The following CAMK2D variants were observed in gnomAD, a reference collection of about 807,000 sequenced individuals.
CAMK2D encodes calcium/calmodulin dependent protein kinase II delta.
Under a neutral mutation model 84.0 loss-of-function variants are expected in CAMK2D, and 37 were observed. The observed-to-expected ratio is 0.44, with a 90% CI of 0.34 to 0.58. The LOEUF is 0.58. Ranked by LOEUF, CAMK2D falls within the 20% of genes least tolerant of loss-of-function variation. CAMK2D has a pLI of 0.02. For synonymous variants in CAMK2D, 202 were observed against 212.5 expected, an observed-to-expected ratio of 0.95 and a Z score of 0.43; for missense variants, 448 against 652.5, an observed-to-expected ratio of 0.69 and a Z score of 3.41.
chr4:113,681,560 A>G (rs1266450946), intron 2 of CAMK2D, among the ~76,000 whole-genome samples: 1 of 152,106 alleles, frequency 6.6e-6, no homozygotes, highest in East Asian at 1.9e-4. Context: ...GGACTAATAT[A>G]CTGTATATTC....
At chr4:113,636,550 CACA>C (rs1262945880) in intron 3 of CAMK2D, among the ~76,000 whole-genome samples, 1 of 152,172 alleles carries the variant, frequency 6.6e-6, no homozygotes, top group Non-Finnish European at 1.5e-5. Context: ...TGGTGGCTTA[CACA>C]ACATATTTAT....
chr4:113,577,780 G>C (rs941552785), intron 4 of CAMK2D, among the ~76,000 whole-genome samples: 1 of 150,300 alleles, frequency 6.7e-6, no homozygotes, highest in African/African-American at 2.5e-5. Context: ...GATCTAATAA[G>C]CTTGTATAAT....
intron 4 of CAMK2D, among the ~76,000 whole-genome samples, chr4:113,594,708 A>C (rs904565088): frequency 6.6e-6 from 1 of 152,204 alleles, no homozygotes; most frequent in Non-Finnish European, 1.5e-5. Flanking sequence ...AAGATATGAC[A>C]ATAGAAAAAA....
At chr4:113,622,706 G>C (rs182485186) in intron 3 of CAMK2D, among the ~76,000 whole-genome samples, 45 of 152,312 alleles carry the variant, frequency 3.0e-4, no homozygotes, top group Admixed American at 1.3e-4. Context: ...CAAGGCTACA[G>C]TGAGCCATGT....
chr4:113,465,540 A>G lies in CAMK2D; in HGVS notation c.1200T>C (p.Phe400=), dbSNP rs760511898. Residue 400 remains phenylalanine (F), a synonymous_variant, in exon 17 of 21, where the codon TTT becomes TTC. Transcript: ENST00000511664. ...QLIEAINNGD[F]EAYTKICDPG... ...CGTCCGCTACTCACGTGTAGGCTTC[A>G]AAGTCCCCATTGTTGATAGCTTCGA... The G allele has an allele frequency of 1.2e-6, 2 of 1,610,226 alleles. No homozygotes were observed. The highest frequency in any genetic ancestry group is 1.7e-6 in the Non-Finnish European group (2 of 1,176,816).
chr4:113,550,315 G>A (rs1362051852), intron 5 of CAMK2D, among the ~76,000 whole-genome samples: 1 of 152,130 alleles, frequency 6.6e-6, no homozygotes, highest in Non-Finnish European at 1.5e-5. Context: ...TGGGACTACA[G>A]GTGCATGCTG....
intron 17 of CAMK2D, among the ~76,000 whole-genome samples, chr4:113,462,702 A>G (rs1011405778): frequency 2.0e-5 from 3 of 152,182 alleles, no homozygotes; most frequent in East Asian, 3.8e-4. Flanking sequence ...ATTGCTCCCT[A>G]TATAACAGTA....
At chr4:113,681,748 A>C (rs1349203693) in intron 2 of CAMK2D, among the ~76,000 whole-genome samples, 1 of 152,180 alleles carries the variant, frequency 6.6e-6, no homozygotes, top group Non-Finnish European at 1.5e-5. Context: ...TCATGGATAA[A>C]GACACCCAGA....
intron 4 of CAMK2D, among the ~76,000 whole-genome samples, chr4:113,595,440 T>TTGTGTGTGTG (rs71582188): frequency 1.4e-5 from 2 of 143,476 alleles, no homozygotes; most frequent in African/African-American, 5.0e-5. Context: ...TTATGTATGC[T>TTGTGTGTGTG]TGTGTGTGTG....
At chr4:113,730,822 A>G (rs2099566217) in intron 2 of CAMK2D, among the ~76,000 whole-genome samples, 1 of 152,202 alleles carries the variant, frequency 6.6e-6, no homozygotes. Context: ...ACCTGACTTG[A>G]CTTTTTCTAC....
rs34298070 is a variant in CAMK2D, at chr4:113,543,383, A to AT, written c.414+4260dup. Among the ~76,000 whole-genome samples, 203 of 141,668 alleles carry AT rather than the reference A, an allele frequency of 1.4e-3. 2 individuals carry two copies. Among genetic ancestry groups the AT allele is most frequent in the East Asian group, 7.8e-3 (38 of 4,866 alleles). The allele number at this position is 141,668 out of a possible 152,430, so 92.9% of individuals were successfully genotyped here. A position where few individuals can be genotyped will look rare whatever the true frequency, so the allele number is the denominator to read the frequency against. Reference sequence around the variant, plus strand: ...GCTTTTCACATATGTATATATATTGATTTTTTTTTTTTTTTTGTAGGGATG... The same window carrying AT: ...GCTTTTCACATATGTATATATATTGATTTTTTTTTTTTTTTTTGTAGGGATG... On this transcript the variant is annotated intron_variant, in intron 6 of 20. Transcript: ENST00000511664.
chr4:113,532,413 AC>A (rs575522161), intron 7 of CAMK2D, among the ~76,000 whole-genome samples: 259 of 152,294 alleles, frequency 1.7e-3, no homozygotes, highest in African/African-American at 6.1e-3. Context: ...ATCCATCTGT[AC>A]CTCAAACTCG....
chr4:113,533,633 T>C (rs968238454), intron 7 of CAMK2D, among the ~76,000 whole-genome samples: 2 of 151,044 alleles, frequency 1.3e-5, no homozygotes, highest in Admixed American at 1.3e-4. Flanking sequence ...AAAATAATTC[T>C]TCCATGAACC....
At position 113,600,769 on chromosome 4, in the gene CAMK2D, A is replaced by AGGTGCATACCACCT. The variant is rs566736334; in HGVS notation, c.275+8382_275+8383insAGGTGGTATGCACC. Among the ~76,000 whole-genome samples, 1,338 of 152,184 alleles carry AGGTGCATACCACCT rather than the reference A, an allele frequency of 8.8e-3. 16 individuals are homozygous for AGGTGCATACCACCT. Among genetic ancestry groups the AGGTGCATACCACCT allele is most frequent in the African/African-American group, 0.03 (1,266 of 41,514 alleles). ...CACCTCAGCCTCTCAAGTAGCTGGG[A>AGGTGCATACCACCT]CTACAGGTGCATACCACCACACCAG... On this transcript the variant is annotated intron_variant, in intron 4 of 20. Transcript: ENST00000511664.
chr4:113,491,390 A>T (rs62314981), intron 16 of CAMK2D, among the ~76,000 whole-genome samples: 1 of 140,362 alleles, frequency 7.1e-6, no homozygotes. Flanking sequence ...TTCTGCATCT[A>T]TTGAGATAAT....
intron 4 of CAMK2D, among the ~76,000 whole-genome samples, chr4:113,599,840 G>A (rs1183842821): frequency 1.3e-5 from 2 of 152,114 alleles, no homozygotes; most frequent in Non-Finnish European, 2.9e-5. Flanking sequence ...CATCATAAAG[G>A]TCTTATCCTC....
In CAMK2D at chr4:113,473,969, T is replaced by C. The variant is rs528294583; in HGVS notation, c.1136-8365A>G. 8.1e-4 allele frequency among the ~76,000 whole-genome samples: 123 copies of C among 152,346 alleles called. 2 individuals are homozygous for C. In the South Asian group the frequency reaches 0.024, roughly 30 times the overall value. ...CTATTAAATTAAAGGAGGTATAAAG[T>C]ATTTATAAAGATTTTCATTAAAAAA... On this transcript the variant is annotated intron_variant, in intron 16 of 20. Coordinates refer to ENST00000511664, the MANE Select transcript of CAMK2D (RefSeq NM_001321571.2).
In CAMK2D at chr4:113,731,759, G is replaced by GT. The variant is rs1223000539; in HGVS notation, c.160+27560dup. Among the ~76,000 whole-genome samples the GT allele has an allele frequency of 1.7e-4, 26 of 152,016 alleles. No homozygotes were observed. In the East Asian group the frequency reaches 4.9e-3, roughly 28 times the overall value. On this transcript the variant is annotated intron_variant, in intron 2 of 20. Coordinates refer to ENST00000511664, the MANE Select transcript of CAMK2D (RefSeq NM_001321571.2). ...CGCCACTATGCCCGGTTAATTCTTT[G>GT]TATGTTAGTAGAGATGGGGTTTCAC... is the stretch of plus-strand genomic sequence containing the variant.
intron 8 of CAMK2D, among the ~76,000 whole-genome samples, chr4:113,522,835 C>G (rs752738429): frequency 6.6e-6 from 1 of 152,180 alleles, no homozygotes; most frequent in Non-Finnish European, 1.5e-5. Flanking sequence ...GTCCGCATGT[C>G]TGACTAAGAC....
Sources: allele counts gnomAD v4.1 joint callset (sites outside exome capture counted in the v4.1 genomes callset), GRCh38; gene constraint gnomAD v4.1.1; transcripts MANE v1.5; gene names NCBI Gene and HGNC (gene_info 2026-07-23, HGNC 2026-07-21).